The following LRRC37A2 variants were observed in gnomAD, a reference collection of about 807,000 sequenced individuals.
LRRC37A2 encodes the protein leucine-rich repeat-containing protein 37A2.
Under a neutral mutation model 68.8 loss-of-function variants are expected in LRRC37A2, and 9 were observed. The observed-to-expected ratio is 0.13, with a 90% CI of 0.08 to 0.23. The LOEUF is 0.23. Ranked by LOEUF, LRRC37A2 falls within the 10% of genes least tolerant of loss-of-function variation. The probability of loss-of-function intolerance (pLI) is 1.00; values close to 1 mark genes in which losing one functional copy is unlikely to be tolerated. For missense variants in LRRC37A2, 168 were observed against 950.4 expected (o/e 0.18, Z 10.82); for synonymous variants, 63 against 367.6 (o/e 0.17, Z 9.48).
the LRRC37A2 span, among the ~76,000 whole-genome samples, chr17:46,731,631 A>G: frequency 6.6e-6 from 1 of 152,194 alleles, no homozygotes; most frequent in Non-Finnish European, 1.5e-5. Flanking sequence ...GAATTGGATC[A>G]TTTAAAAAGA....
the LRRC37A2 span, among the ~76,000 whole-genome samples, chr17:46,777,111 G>A: frequency 6.6e-6 from 1 of 152,242 alleles, no homozygotes; most frequent in African/African-American, 2.4e-5. Flanking sequence ...CCAGAAGGCT[G>A]AGGCAGGAGA....
intron 8 of LRRC37A2, among the ~76,000 whole-genome samples, chr17:46,541,538 C>T (rs1404390331): frequency 1.3e-5 from 2 of 150,624 alleles, no homozygotes; most frequent in East Asian, 3.9e-4. Context: ...AGATAAGATC[C>T]ACCTTGCCTG....
the LRRC37A2 span, chr17:46,929,431 A>G: frequency 1.3e-6 from 1 of 770,324 alleles, no homozygotes; most frequent in Non-Finnish European, 2.4e-6. Context: ...TAAATCAGTT[A>G]CATGTTGGCA....
At chr17:46,773,855 G>A in the LRRC37A2 span, 1,707 of 1,613,000 alleles carry the variant, frequency 1.1e-3, 13 homozygotes, top group Non-Finnish European at 5.6e-4. Flanking sequence ...GGATGGAGCC[G>A]CAGAGCAGGG....
chr17:46,487,182 GATA>G, the LRRC37A2 span: 2 of 611,752 alleles, frequency 3.3e-6, no homozygotes, highest in Admixed American at 3.5e-5. Flanking sequence ...AAAAAGTAAT[GATA>G]ATAATAACTC....
the LRRC37A2 span, among the ~76,000 whole-genome samples, chr17:46,825,280 G>A: frequency 6.6e-6 from 1 of 152,164 alleles, no homozygotes; most frequent in Non-Finnish European, 1.5e-5. Context: ...CTGTGTATGG[G>A]ACATAAGCAG....
At chr17:46,779,103 A>ACACACACACACACACACACACCCC in the LRRC37A2 span, among the ~76,000 whole-genome samples, 7 of 133,590 alleles carry the variant, frequency 5.2e-5, no homozygotes, top group East Asian at 2.5e-4. Flanking sequence ...ACACACACAC[A>ACACACACACACACACACACACCCC]CCCCAGCCCA....
chr17:46,856,658 AT>A, the LRRC37A2 span, among the ~76,000 whole-genome samples: 2 of 151,812 alleles, frequency 1.3e-5, no homozygotes, highest in African/African-American at 4.8e-5. Flanking sequence ...TAATTTTTGT[AT>A]TTTTAGTGAA....
At chr17:46,858,292 C>T in the LRRC37A2 span, among the ~76,000 whole-genome samples, 3 of 151,982 alleles carry the variant, frequency 2.0e-5, no homozygotes, top group Non-Finnish European at 4.4e-5. Context: ...TATTCCTGCC[C>T]GTGACTTGCC....
chr17:46,761,058 GAAAAAT>G, the LRRC37A2 span, among the ~76,000 whole-genome samples: 1 of 152,090 alleles, frequency 6.6e-6, no homozygotes, highest in Non-Finnish European at 1.5e-5. Context: ...TTATGCAAAA[GAAAAAT>G]AAAAAGTCGA....
At chr17:47,009,284 C>T in the LRRC37A2 span, among the ~76,000 whole-genome samples, 1 of 152,168 alleles carries the variant, frequency 6.6e-6, no homozygotes. Context: ...TTATTTAACA[C>T]CCTGTTAGTT....
chr17:46,658,024 C>T, the LRRC37A2 span, among the ~76,000 whole-genome samples: 1 of 42,876 alleles, frequency 2.3e-5, no homozygotes, highest in Non-Finnish European at 4.0e-5. Flanking sequence ...CACAGTGGTT[C>T]TCAGTCTTTG....
At chr17:46,847,412 G>A in the LRRC37A2 span, among the ~76,000 whole-genome samples, 4 of 152,234 alleles carry the variant, frequency 2.6e-5, no homozygotes, top group African/African-American at 9.6e-5. Flanking sequence ...CTACCTCACA[G>A]TGCTCCAGAG....
the LRRC37A2 span, chr17:46,769,712 G>A: frequency 6.3e-7 from 1 of 1,585,678 alleles, no homozygotes; most frequent in Admixed American, 1.7e-5. Context: ...GTGAGGTGGG[G>A]GCCAGGGCAG....
At chr17:47,009,900 G>T in the LRRC37A2 span, among the ~76,000 whole-genome samples, 2 of 152,232 alleles carry the variant, frequency 1.3e-5, no homozygotes, top group Non-Finnish European at 2.9e-5. Flanking sequence ...TTTCGCTACA[G>T]TTGGTAGAAA....
chr17:46,844,201 C>G, the LRRC37A2 span, among the ~76,000 whole-genome samples: 1 of 152,108 alleles, frequency 6.6e-6, no homozygotes, highest in Admixed American at 6.6e-5. Context: ...AAGCAATCCT[C>G]CTGCCTCAGT....
the LRRC37A2 span, among the ~76,000 whole-genome samples, chr17:46,449,755 C>CTTT: frequency 1.1e-5 from 1 of 88,676 alleles, no homozygotes; most frequent in African/African-American, 4.5e-5. Context: ...GTTTGATTTT[C>CTTT]TTTTTTTTTT....
the LRRC37A2 span, among the ~76,000 whole-genome samples, chr17:46,907,688 A>C: frequency 6.3e-5 from 8 of 127,618 alleles, 1 homozygote; most frequent in Middle Eastern, 3.8e-3. Context: ...AAAAAAAAAA[A>C]CAAAAAACCC....
chr17:46,895,328 G>A, the LRRC37A2 span, among the ~76,000 whole-genome samples: 3 of 152,238 alleles, frequency 2.0e-5, no homozygotes, highest in Non-Finnish European at 4.4e-5. Context: ...TGAGGTAGCC[G>A]CAGCCCAAGG....
Sources: allele counts gnomAD v4.1 joint callset (sites outside exome capture counted in the v4.1 genomes callset), GRCh38; gene constraint gnomAD v4.1.1; transcripts MANE v1.5; gene names NCBI Gene and HGNC (gene_info 2026-07-23, HGNC 2026-07-21).